Variants in PTPRD observed in about 807,000 individuals in gnomAD.
PTPRD encodes protein tyrosine phosphatase receptor type D, also known as receptor-type tyrosine-protein phosphatase delta.
Under a neutral mutation model 214.5 loss-of-function variants are expected in PTPRD, and 34 were observed. That is an observed-to-expected ratio of 0.16 (90% CI 0.12 to 0.21). The LOEUF is 0.21. Ranked by LOEUF, PTPRD falls within the 10% of genes least tolerant of loss-of-function variation. The pLI is 1.00. For synonymous variants in PTPRD, 1,128 were observed against 845.7 expected, an observed-to-expected ratio of 1.33 and a Z score of -5.79; for missense variants, 2,545 against 2,398.7, an observed-to-expected ratio of 1.06 and a Z score of -1.27.
intron 7 of PTPRD, among the ~76,000 whole-genome samples, chr9:9,600,926 T>A (rs1454640477): frequency 1.3e-5 from 2 of 152,110 alleles, no homozygotes; most frequent in Admixed American, 1.3e-4. Context: ...AAGGTGGCTT[T>A]CTTGTTTTTG....
At chr9:9,552,678 A>C (rs1260246007) in intron 8 of PTPRD, among the ~76,000 whole-genome samples, 1 of 152,066 alleles carries the variant, frequency 6.6e-6, no homozygotes, top group Non-Finnish European at 1.5e-5. Context: ...GTGCTCAAGA[A>C]GACTAGATTC....
chr9:10,368,214 G>C (rs903098674), intron 2 of PTPRD, among the ~76,000 whole-genome samples: 7 of 151,996 alleles, frequency 4.6e-5, no homozygotes, highest in African/African-American at 1.7e-4. Context: ...TTTCAGTAGT[G>C]TATGTTACTG....
intron 4 of PTPRD, among the ~76,000 whole-genome samples, chr9:9,977,163 G>C (rs760607292): frequency 2.0e-5 from 3 of 152,170 alleles, no homozygotes; most frequent in African/African-American, 7.2e-5. Context: ...CTTTGGTGAT[G>C]TCAGCTCAGG....
chr9:9,860,608 TGAC>T (rs2062521969), intron 5 of PTPRD, among the ~76,000 whole-genome samples: 1 of 152,240 alleles, frequency 6.6e-6, no homozygotes, highest in Non-Finnish European at 1.5e-5. Flanking sequence ...TCTCTGATGA[TGAC>T]AAATACATTT....
At chr9:10,234,747 G>A (rs529848539) in intron 3 of PTPRD, among the ~76,000 whole-genome samples, 18 of 151,874 alleles carry the variant, frequency 1.2e-4, no homozygotes, top group African/African-American at 4.3e-4. Flanking sequence ...GATGAGGTTC[G>A]GTAGAGAATG....
intron 33 of PTPRD, among the ~76,000 whole-genome samples, chr9:8,454,081 T>C (rs2096077387): frequency 6.6e-6 from 1 of 152,210 alleles, no homozygotes; most frequent in African/African-American, 2.4e-5. Flanking sequence ...CTCTTATTAT[T>C]CAAGACTGGG....
At chr9:10,163,818 C>G (rs2099142902) in intron 3 of PTPRD, among the ~76,000 whole-genome samples, 1 of 151,468 alleles carries the variant, frequency 6.6e-6, no homozygotes, top group Non-Finnish European at 1.5e-5. Flanking sequence ...ATATCCAAGT[C>G]ATATGTTCAA....
rs1193385888 is a variant in PTPRD, at chr9:10,612,732, G to A, written c.-752C>T. On this transcript the variant is annotated 5_prime_UTR_variant, in exon 1 of 46. Transcript: ENST00000381196. ...GCTGGCTGGCGGCGCCGCGCCGGAGGGGAGGAGGCTCGGGAGGAGGAGGAG... is the reference window on the plus strand; with the variant it reads ...GCTGGCTGGCGGCGCCGCGCCGGAGAGGAGGAGGCTCGGGAGGAGGAGGAG... 6.5e-6 allele frequency: 1 copy of A among 152,736 alleles called. No homozygotes were observed. The highest frequency in any genetic ancestry group is 2.4e-5 in the African/African-American group (1 of 41,476). The allele number at this position is 152,736 out of a possible 1,614,324, so 9.5% of individuals were successfully genotyped here.
At chr9:8,689,473 C>G (rs904927278) in intron 12 of PTPRD, among the ~76,000 whole-genome samples, 2 of 149,816 alleles carry the variant, frequency 1.3e-5, no homozygotes, top group Non-Finnish European at 1.5e-5. Flanking sequence ...GCCTCAGAAT[C>G]ATGGTAGGAG....
intron 11 of PTPRD, among the ~76,000 whole-genome samples, chr9:8,845,663 T>C (rs1403938452): frequency 6.6e-6 from 1 of 152,238 alleles, no homozygotes; most frequent in Non-Finnish European, 1.5e-5. Flanking sequence ...TAAGTAACAC[T>C]GGGTTTCAGA....
At chr9:9,450,269 C>G (rs965305248) in intron 8 of PTPRD, among the ~76,000 whole-genome samples, 2 of 151,908 alleles carry the variant, frequency 1.3e-5, no homozygotes, top group Admixed American at 1.3e-4. Context: ...TTCTTTTCCT[C>G]TGGGCAGATA....
intron 9 of PTPRD, among the ~76,000 whole-genome samples, chr9:9,238,192 C>T (rs1250859071): frequency 1.3e-5 from 2 of 151,924 alleles, no homozygotes; most frequent in African/African-American, 4.8e-5. Context: ...TGCATGTAGC[C>T]CTGAGAGTCA....
intron 14 of PTPRD, among the ~76,000 whole-genome samples, chr9:8,531,942 AC>A (rs1351628075): frequency 1.3e-5 from 2 of 152,008 alleles, no homozygotes; most frequent in Admixed American, 6.6e-5. Flanking sequence ...CATTTTCATG[AC>A]CTTTCTCTTC....
intron 7 of PTPRD, among the ~76,000 whole-genome samples, chr9:9,683,046 T>C (rs369669218): frequency 2.6e-5 from 4 of 151,794 alleles, no homozygotes; most frequent in African/African-American, 9.7e-5. Flanking sequence ...ATCACAGATA[T>C]TTTGAAAGAT....
intron 11 of PTPRD, among the ~76,000 whole-genome samples, chr9:8,842,675 G>T (rs2097581920): frequency 6.6e-6 from 1 of 152,242 alleles, no homozygotes; most frequent in African/African-American, 2.4e-5. Flanking sequence ...TCACTCATCT[G>T]GCCCTAGATT....
chr9:9,190,654 T>C (rs1255932060), intron 9 of PTPRD, among the ~76,000 whole-genome samples: 3 of 152,202 alleles, frequency 2.0e-5, no homozygotes, highest in South Asian at 4.1e-4. Context: ...ACCTTGACAT[T>C]AAACATCCTA....
At chr9:10,593,226 A>T (rs1011194767) in intron 2 of PTPRD, among the ~76,000 whole-genome samples, 1 of 151,990 alleles carries the variant, frequency 6.6e-6, no homozygotes, top group African/African-American at 2.4e-5. Flanking sequence ...CTTGTTAAAT[A>T]ATGGCGATAA....
intron 11 of PTPRD, among the ~76,000 whole-genome samples, chr9:8,991,605 G>C (rs1435751624): frequency 1.3e-5 from 2 of 152,086 alleles, no homozygotes; most frequent in Admixed American, 6.5e-5. Flanking sequence ...TAGAGGCTTA[G>C]ATTTGCCACA....
intron 3 of PTPRD, among the ~76,000 whole-genome samples, chr9:10,257,277 G>A (rs1244662997): frequency 1.3e-5 from 2 of 152,144 alleles, no homozygotes; most frequent in Non-Finnish European, 2.9e-5. Flanking sequence ...GCCTATATCT[G>A]CTCCACAGCA....
Sources: gnomAD v4.1 joint callset for allele counts (sites outside exome capture counted in the v4.1 genomes callset) on GRCh38, gnomAD v4.1.1 for gene constraint, MANE v1.5 for transcripts, NCBI Gene and HGNC (gene_info 2026-07-23, HGNC 2026-07-21) for gene names.